TMEM45A: variants seen among roughly 807,000 people sequenced by gnomAD.
TMEM45A encodes transmembrane protein 45A, also known as DNA polymerase-transactivated protein 4.
Under a neutral mutation model 32.0 loss-of-function variants are expected in TMEM45A, and 25 were observed. The observed-to-expected ratio is 0.78, with a 90% confidence interval of 0.57 to 1.09. TMEM45A has a LOEUF of 1.09. Among genes scored for constraint, TMEM45A ranks in the 50% least tolerant of loss-of-function variants. The pLI is 0.00. For synonymous variants in TMEM45A, 122 were observed against 114.8 expected (o/e 1.06, Z -0.40); for missense variants, 302 against 325.0 (o/e 0.93, Z 0.54).
rs142029532 is a variant in TMEM45A at position 100,497,225 on chromosome 3, C to G, written c.-4+4297C>G. Among the ~76,000 whole-genome samples the G allele has an allele frequency of 1.4e-3, 220 of 152,270 alleles. 4 individuals carry two copies. The South Asian group carries it at 0.029, about 20-fold the overall frequency. ...GACTGTGAGGGTTTGAATTCCAGAT[C>G]TGATTCTTACCAATGTGGCCTTGAG... is the stretch of plus-strand genomic sequence containing the variant. On this transcript the variant is annotated intron_variant, in intron 1 of 5. Coordinates refer to ENST00000323523, the MANE Select transcript of TMEM45A (RefSeq NM_018004.3).
At chr3:100,502,936 G>A (rs1341519236) in intron 1 of TMEM45A, among the ~76,000 whole-genome samples, 1 of 152,102 alleles carries the variant, frequency 6.6e-6, no homozygotes, top group African/African-American at 2.4e-5. Context: ...TGTAGAGGAA[G>A]AATGGGGAGT....
At chr3:100,553,755 G>T (rs780426262) in intron 1 of TMEM45A, among the ~76,000 whole-genome samples, 4 of 152,114 alleles carry the variant, frequency 2.6e-5, no homozygotes, top group Non-Finnish European at 4.4e-5. Context: ...ACCATTACAG[G>T]TATAGTTAGG....
At chr3:100,569,781 A>G (rs1312622741) in intron 5 of TMEM45A, among the ~76,000 whole-genome samples, 1 of 152,166 alleles carries the variant, frequency 6.6e-6, no homozygotes, top group African/African-American at 2.4e-5. Flanking sequence ...AATCCTACCC[A>G]TGAGGAATTT....
At chr3:100,514,231 C>T (rs1338281246) in intron 1 of TMEM45A, among the ~76,000 whole-genome samples, 1 of 152,166 alleles carries the variant, frequency 6.6e-6, no homozygotes, top group African/African-American at 2.4e-5. Flanking sequence ...AACTATACTA[C>T]AAGGCTACAG....
At chr3:100,561,863 GCACA>G (rs1706343006) in intron 4 of TMEM45A, among the ~76,000 whole-genome samples, 1 of 152,158 alleles carries the variant, frequency 6.6e-6, no homozygotes, top group African/African-American at 2.4e-5. Context: ...TCCCATCACT[GCACA>G]GATCCTGAGC....
chr3:100,548,920 C>G (rs907800135), intron 1 of TMEM45A, among the ~76,000 whole-genome samples: 2 of 152,122 alleles, frequency 1.3e-5, no homozygotes, highest in African/African-American at 4.8e-5. Context: ...AACCCTGTGG[C>G]GATCTCTTTC....
chr3:100,510,992 T>C (rs1393709469), intron 1 of TMEM45A, among the ~76,000 whole-genome samples: 1 of 152,174 alleles, frequency 6.6e-6, no homozygotes, highest in Non-Finnish European at 1.5e-5. Flanking sequence ...CAAATCTACG[T>C]CTGATTGGTG....
chr3:100,526,695 T>C (rs964479912), intron 1 of TMEM45A, among the ~76,000 whole-genome samples: 4 of 152,156 alleles, frequency 2.6e-5, no homozygotes, highest in Non-Finnish European at 5.9e-5. Flanking sequence ...AAAAATTATC[T>C]GCCAAAAAAA....
At chr3:100,530,075 T>C (rs770010763) in intron 1 of TMEM45A, among the ~76,000 whole-genome samples, 4 of 152,214 alleles carry the variant, frequency 2.6e-5, no homozygotes, top group African/African-American at 4.8e-5. Flanking sequence ...AAAAATAGAA[T>C]AGTATAACAT....
chr3:100,562,701 A>G (rs1706359261), intron 4 of TMEM45A, among the ~76,000 whole-genome samples: 2 of 152,210 alleles, frequency 1.3e-5, no homozygotes, highest in Admixed American at 6.5e-5. Flanking sequence ...TATATGAATC[A>G]CCATAGATAA....
intron 1 of TMEM45A, among the ~76,000 whole-genome samples, chr3:100,530,958 A>G (rs1255643690): frequency 2.0e-5 from 3 of 152,200 alleles, no homozygotes; most frequent in African/African-American, 7.2e-5. Flanking sequence ...TGTGTGTCCC[A>G]TAAATTAGTA....
chr3:100,493,304 C>T (rs560592311), intron 1 of TMEM45A, among the ~76,000 whole-genome samples: 14 of 152,054 alleles, frequency 9.2e-5, no homozygotes, highest in African/African-American at 3.4e-4. Flanking sequence ...TTATCCCCAA[C>T]TCTGGGACTG....
At chr3:100,543,545 A>G (rs576427500) in intron 1 of TMEM45A, among the ~76,000 whole-genome samples, 2 of 152,322 alleles carry the variant, frequency 1.3e-5, no homozygotes, top group Admixed American at 1.3e-4. Flanking sequence ...TTGCAATAAA[A>G]TAGATGAAAA....
intron 1 of TMEM45A, among the ~76,000 whole-genome samples, chr3:100,536,626 T>A (rs2148961764): frequency 6.6e-6 from 1 of 152,328 alleles, no homozygotes; most frequent in East Asian, 1.9e-4. Context: ...CACGTACCTC[T>A]GAAGAACCTT....
At chr3:100,576,848 T>C (rs1706698716) in intron 5 of TMEM45A, 77 bp from the exon 6 acceptor site, 5 of 1,056,920 alleles carry the variant, frequency 4.7e-6, no homozygotes, top group South Asian at 1.4e-5. Flanking sequence ...CTAGACTTTG[T>C]GGTATAATGG....
At chr3:100,554,770 C>T (rs1361068085) in intron 1 of TMEM45A, among the ~76,000 whole-genome samples, 10 of 152,124 alleles carry the variant, frequency 6.6e-5, no homozygotes, top group Admixed American at 5.9e-4. Context: ...CACTGTATGG[C>T]GAAGTATATA....
chr3:100,571,388 T>C (rs1393350507), intron 5 of TMEM45A: 1 of 152,054 alleles, frequency 6.6e-6, no homozygotes, highest in South Asian at 2.1e-4. Flanking sequence ...ACAAGTATTG[T>C]TTACTGCACA....
intron 1 of TMEM45A, among the ~76,000 whole-genome samples, chr3:100,544,135 A>G (rs1004939544): frequency 1.3e-5 from 2 of 151,896 alleles, no homozygotes; most frequent in African/African-American, 4.8e-5. Flanking sequence ...TGTACATGAT[A>G]AAAGTTTGAT....
At chr3:100,543,074 T>C (rs1169144464) in intron 1 of TMEM45A, among the ~76,000 whole-genome samples, 1 of 152,200 alleles carries the variant, frequency 6.6e-6, no homozygotes, top group African/African-American at 2.4e-5. Flanking sequence ...AAACAGTACA[T>C]AAATTGCATC....
Sources: gnomAD v4.1 joint callset for allele counts (sites outside exome capture counted in the v4.1 genomes callset) on GRCh38, gnomAD v4.1.1 for gene constraint, MANE v1.5 for transcripts, NCBI Gene and HGNC (gene_info 2026-07-23, HGNC 2026-07-21) for gene names.